Variants in MB21D2 observed in about 807,000 individuals in gnomAD.
MB21D2 encodes the protein nucleotidyltransferase MB21D2.
In MB21D2, 9 loss-of-function variants were observed where a neutral mutation model predicts 33.3. The ratio of observed to expected loss-of-function variants is 0.27; its 90% CI spans 0.16 to 0.47. The LOEUF (loss-of-function observed/expected upper bound fraction) is 0.47. Among genes scored for constraint, MB21D2 ranks in the 20% least tolerant of loss-of-function variants. The probability of loss-of-function intolerance (pLI) is 0.99; values close to 1 mark genes in which losing one functional copy is unlikely to be tolerated. For synonymous variants in MB21D2, 241 were observed against 236.3 expected, an observed-to-expected ratio of 1.02 and a Z score of -0.18; for missense variants, 540 against 624.6, an observed-to-expected ratio of 0.86 and a Z score of 1.44.
chr3:192,825,062 A>G (rs1423038156), intron 1 of MB21D2, among the ~76,000 whole-genome samples: 3 of 152,198 alleles, frequency 2.0e-5, no homozygotes, highest in Non-Finnish European at 2.9e-5. Context: ...ACCCAAGAAT[A>G]GCCCCAATAT....
At chr3:192,884,573 T>A (rs546902028) in intron 1 of MB21D2, among the ~76,000 whole-genome samples, 1 of 152,020 alleles carries the variant, frequency 6.6e-6, no homozygotes. Context: ...TTCACCGTGT[T>A]AGCCAGGATG....
At chr3:192,917,083 C>G (rs1294740079) in intron 1 of MB21D2, among the ~76,000 whole-genome samples, 1 of 152,212 alleles carries the variant, frequency 6.6e-6, no homozygotes, top group Non-Finnish European at 1.5e-5. Context: ...CGGGAACACC[C>G]AACAAGTTTG....
At chr3:192,909,107 T>A (rs1714275626) in intron 1 of MB21D2, among the ~76,000 whole-genome samples, 1 of 151,534 alleles carries the variant, frequency 6.6e-6, no homozygotes, top group African/African-American at 2.4e-5. Flanking sequence ...TACAAAAAAA[T>A]TAGCCAAGCA....
intron 1 of MB21D2, among the ~76,000 whole-genome samples, chr3:192,866,401 T>C (rs1287441630): frequency 6.6e-6 from 1 of 152,196 alleles, no homozygotes; most frequent in African/African-American, 2.4e-5. Context: ...TCTGGTTAGA[T>C]CTCTCTTTCT....
intron 1 of MB21D2, among the ~76,000 whole-genome samples, chr3:192,800,017 A>C (rs1390238594): frequency 6.6e-6 from 1 of 152,078 alleles, no homozygotes; most frequent in Admixed American, 6.5e-5. Flanking sequence ...TCTACTGCCA[A>C]ATCTTTTCCA....
Position 192,849,487 on chromosome 3 carries a change from T to G in MB21D2, c.212-49837A>C, listed in dbSNP as rs545608646. The stretch of plus-strand genomic sequence containing the variant: ...CATGTGCCACCACGCCCAGCTAATT[T>G]TTGTATTTTTAGTAGAGACAGGGTT... On this transcript the variant is annotated intron_variant, in intron 1 of 1. Coordinates refer to ENST00000392452, the MANE Select transcript of MB21D2 (RefSeq NM_178496.4). Among the ~76,000 whole-genome samples, 101 of 152,182 alleles carry G rather than the reference T, an allele frequency of 6.6e-4. 1 individual carries two copies. Among genetic ancestry groups the G allele is most frequent in the Middle Eastern group, 3.4e-3 (1 of 294 alleles).
At chr3:192,825,448 C>T (rs989779242) in intron 1 of MB21D2, among the ~76,000 whole-genome samples, 2 of 151,822 alleles carry the variant, frequency 1.3e-5, no homozygotes, top group Non-Finnish European at 2.9e-5. Flanking sequence ...TTTCCAGAAG[C>T]CAAGGAATGT....
At chr3:192,890,546 A>G (rs149879777) in intron 1 of MB21D2, among the ~76,000 whole-genome samples, 108 of 151,848 alleles carry the variant, frequency 7.1e-4, no homozygotes, top group African/African-American at 2.5e-3. Context: ...CTAGGTATAG[A>G]AAAAGTCTGA....
intron 1 of MB21D2, among the ~76,000 whole-genome samples, chr3:192,855,951 G>C (rs935919632): frequency 1.3e-5 from 2 of 152,138 alleles, no homozygotes; most frequent in African/African-American, 4.8e-5. Context: ...CCAGCTATTC[G>C]GGGGCTGAGG....
intron 1 of MB21D2, among the ~76,000 whole-genome samples, chr3:192,825,194 T>TG (rs1367404075): frequency 6.6e-6 from 1 of 152,174 alleles, no homozygotes; most frequent in Non-Finnish European, 1.5e-5. Flanking sequence ...CAGGCTGGGG[T>TG]GCGGTGGTGC....
intron 1 of MB21D2, among the ~76,000 whole-genome samples, chr3:192,815,842 G>C (rs1711909691): frequency 2.0e-5 from 3 of 152,174 alleles, no homozygotes; most frequent in African/African-American, 7.2e-5. Context: ...GATAGGGATG[G>C]ATTTTTGTCC....
chr3:192,800,179 T>C (rs1255278463), intron 1 of MB21D2, among the ~76,000 whole-genome samples: 3 of 152,182 alleles, frequency 2.0e-5, no homozygotes, highest in Non-Finnish European at 4.4e-5. Flanking sequence ...CGGTTCTCAG[T>C]GTGGGCTGGA....
intron 1 of MB21D2, among the ~76,000 whole-genome samples, chr3:192,864,342 G>A (rs528967703): frequency 6.6e-5 from 10 of 152,236 alleles, no homozygotes; most frequent in East Asian, 5.8e-4. Flanking sequence ...AGGAAACCCC[G>A]CAGGTGCTCA....
At chr3:192,894,788 C>T (rs1012289558) in intron 1 of MB21D2, among the ~76,000 whole-genome samples, 8 of 152,168 alleles carry the variant, frequency 5.3e-5, no homozygotes, top group Non-Finnish European at 1.0e-4. Context: ...GTAGCAGGTG[C>T]ATGCATTCTA....
chr3:192,821,109 C>T (rs556894048), intron 1 of MB21D2, among the ~76,000 whole-genome samples: 1 of 152,314 alleles, frequency 6.6e-6, no homozygotes, highest in East Asian at 1.9e-4. Flanking sequence ...ACTAATGCTG[C>T]TGCCTTCCTG....
chr3:192,873,859 C>T (rs973955048), intron 1 of MB21D2, among the ~76,000 whole-genome samples: 7 of 152,130 alleles, frequency 4.6e-5, no homozygotes, highest in Non-Finnish European at 7.3e-5. Flanking sequence ...CACACCACCA[C>T]GCCTGGTAAT....
chr3:192,806,883 A>C (rs1020063553), intron 1 of MB21D2, among the ~76,000 whole-genome samples: 1 of 152,212 alleles, frequency 6.6e-6, no homozygotes, highest in Non-Finnish European at 1.5e-5. Context: ...AATGAACATG[A>C]GTTAGACCTG....
intron 1 of MB21D2, among the ~76,000 whole-genome samples, chr3:192,915,972 C>G (rs75396120): frequency 1.3e-3 from 195 of 152,212 alleles, no homozygotes; most frequent in African/African-American, 4.6e-3. Flanking sequence ...CTATGATTAA[C>G]TAAACAACTT....
At chr3:192,842,511 C>T (rs1264701623) in intron 1 of MB21D2, among the ~76,000 whole-genome samples, 3 of 152,176 alleles carry the variant, frequency 2.0e-5, no homozygotes, top group Admixed American at 2.0e-4. Context: ...ATGTAAGCTT[C>T]GTTTCCTCTT....
Sources: gnomAD v4.1 joint callset for allele counts (sites outside exome capture counted in the v4.1 genomes callset) on GRCh38, gnomAD v4.1.1 for gene constraint, MANE v1.5 for transcripts, NCBI Gene and HGNC (gene_info 2026-07-23, HGNC 2026-07-21) for gene names.